DCLK3: variants seen among roughly 807,000 people sequenced by gnomAD.
DCLK3 encodes the protein doublecortin like kinase 3.
In DCLK3, 30 loss-of-function variants were observed where a neutral mutation model predicts 46.4. That is an observed-to-expected ratio of 0.65 (90% CI 0.48 to 0.88). The LOEUF (loss-of-function observed/expected upper bound fraction) is 0.88, where lower values mean the gene tolerates loss of function less well. DCLK3 is among the 40% of genes least tolerant of loss of function. The pLI, the probability that DCLK3 is intolerant of heterozygous loss-of-function variation, is 0.00. For synonymous variants in DCLK3, 401 were observed against 339.2 expected, an observed-to-expected ratio of 1.18 and a Z score of -2.00; for missense variants, 846 against 907.1, an observed-to-expected ratio of 0.93 and a Z score of 0.87.
rs756521183 is a variant in DCLK3, at chr3:36,738,318, C to T, written c.849G>A (p.Leu283=). The T allele has an allele frequency of 3.3e-6, 5 of 1,511,702 alleles. No homozygotes were observed. In the African/African-American group the frequency reaches 5.6e-5, roughly 17 times the overall value. The allele number at this position is 1,511,702 out of a possible 1,614,324, so 93.6% of individuals were successfully genotyped here. Residue 283 remains leucine, a synonymous_variant, in exon 2 of 5, where the codon CTG becomes CTA. Transcript: ENST00000636136. Reference sequence around the variant, plus strand: ...TCTCTCCCCTTGCGTGCCTCTCTTCCAGAGTGGCTTCCCTGGGGGGCTTGC... The same window carrying T: ...TCTCTCCCCTTGCGTGCCTCTCTTCTAGAGTGGCTTCCCTGGGGGGCTTGC... The part of the protein sequence containing the change: ...PSSKPPREAT[L]EERHARGEKH...
At chr3:36,732,442 C>A (rs1309197861) in intron 2 of DCLK3, among the ~76,000 whole-genome samples, 2 of 152,126 alleles carry the variant, frequency 1.3e-5, no homozygotes, top group Non-Finnish European at 2.9e-5. Context: ...ATACTGAGAG[C>A]CTGTCTTACC....
chr3:36,738,939 G>A lies in DCLK3; in HGVS notation c.228C>T (p.Phe76=), dbSNP rs1701308848. 4.9e-6 allele frequency: 2 copies of A among 406,522 alleles called. No individual in the cohort carries two copies. Among genetic ancestry groups the A allele is most frequent in the Middle Eastern group, 6.2e-4 (1 of 1,608 alleles). The allele number at this position is 406,522 out of a possible 1,614,324, so 25.2% of individuals were successfully genotyped here. ...LGPRGPVVPL[F]CPRNGLHSAH... ...CTGAGTGAAGGCCATTCCGAGGGCA[G>A]AACAAGGGCACGACGGGGCCACGCG... Residue 76 remains phenylalanine (F), a synonymous_variant, in exon 2 of 5, where the codon TTC becomes TTT. Transcript: ENST00000636136.
chr3:36,744,050 T>C (rs1213014712), intron 1 of DCLK3, among the ~76,000 whole-genome samples: 1 of 152,214 alleles, frequency 6.6e-6, no homozygotes, highest in Non-Finnish European at 1.5e-5. Context: ...CTGCTGCACA[T>C]CTCAGCTAAT....
chr3:36,738,375 C>G lies in DCLK3; in HGVS notation c.792G>C (p.Trp264Cys). The G allele has an allele frequency of 6.7e-7, 1 of 1,500,802 alleles. No individual in the cohort carries two copies. Among genetic ancestry groups the G allele is most frequent in the East Asian group, 2.4e-5 (1 of 41,592 alleles). 93.0% of individuals were successfully genotyped at this position (1,500,802 alleles called of 1,614,324 possible). A position where few individuals can be genotyped will look rare whatever the true frequency, so the allele number is the denominator to read the frequency against. ...LDDRARTQKK[W>C]GRGKWEPEPS... ...GTTCTGGCTCCCATTTCCCCCTCCCCCACTTCTTCTGGGTCCTCGCTCTGT... is the reference window on the plus strand; with the variant it reads ...GTTCTGGCTCCCATTTCCCCCTCCCGCACTTCTTCTGGGTCCTCGCTCTGT... Residue 264 changes from tryptophan to cysteine, a missense_variant, in exon 2 of 5, where the codon TGG becomes TGC. Coordinates refer to ENST00000636136, the MANE Select transcript of DCLK3 (RefSeq NM_001394672.2).
chr3:36,725,278 C>T (rs1422907944), intron 2 of DCLK3, among the ~76,000 whole-genome samples: 1 of 149,146 alleles, frequency 6.7e-6, no homozygotes, highest in South Asian at 2.2e-4. Flanking sequence ...CGCCACTGCA[C>T]TCCAGCCTGG....
At chr3:36,757,476 A>G (rs1701496127) in intron 1 of DCLK3, among the ~76,000 whole-genome samples, 1 of 150,108 alleles carries the variant, frequency 6.7e-6, no homozygotes, top group African/African-American at 2.4e-5. Flanking sequence ...TCCTTTGAAC[A>G]TACAGAAAAC....
Position 36,737,423 on chromosome 3 carries a change from T to C in DCLK3, c.1744A>G (p.Asn582Asp). Reference sequence around the variant, plus strand: ...TAGACTTCATGCAATTTCACGATGTTGGGGTGAGAGAGGCTCTGGATGATC... The same window carrying C: ...TAGACTTCATGCAATTTCACGATGTCGGGGTGAGAGAGGCTCTGGATGATC... ...ILIIQSLSHP[N>D]IVKLHEVYET... The change falls in exon 2 of 5, where the codon AAC becomes GAC. Residue 582 changes from asparagine to aspartate, a missense_variant. Physicochemically the swap from Asn to Asp is conservative, Grantham distance 23 (BLOSUM62 1). This residue lies in a region of DCLK3 where 247 missense variants were observed against 322.8 expected (regional missense o/e 0.77). Transcript: ENST00000636136. This position sits in a 1 kb window ranked among gnomAD's most constrained non-coding sequence, Gnocchi z 4.4. 1 of 1,614,196 alleles carries C rather than the reference T, an allele frequency of 6.2e-7. No homozygotes were observed. Among genetic ancestry groups the C allele is most frequent in the Non-Finnish European group, 8.5e-7 (1 of 1,180,026 alleles).
intron 2 of DCLK3, among the ~76,000 whole-genome samples, chr3:36,733,859 A>G (rs1254282359): frequency 1.3e-5 from 2 of 152,218 alleles, no homozygotes; most frequent in Non-Finnish European, 2.9e-5. Context: ...TGATTAAAAC[A>G]TGAAAGCTTA....
Position 36,721,654 on chromosome 3 carries a change from C to A in DCLK3, c.1965G>T (p.Gln655His), listed in dbSNP as rs530856709. 6.2e-7 allele frequency: 1 copy of A among 1,613,954 alleles called. No individual in the cohort carries two copies. The highest frequency in any genetic ancestry group is 8.5e-7 in the Non-Finnish European group (1 of 1,180,004). Residue 655 changes from glutamine to histidine, a missense_variant, in exon 3 of 5, where the codon CAG becomes CAT. Around this residue, in one of 3 missense-constraint regions of DCLK3, gnomAD observed 247 missense variants for 322.8 expected, o/e 0.77. Transcript: ENST00000636136. Reference sequence around the variant, plus strand: ...AGGTAGTAGATTTGTCCTCATTTCGCTGAACCTGTAAGAAACCAAAATCCC... The same window carrying A: ...AGGTAGTAGATTTGTCCTCATTTCGATGAACCTGTAAGAAACCAAAATCCC... ...RDLKPENLLV[Q>H]RNEDKSTTLK... is the part of the protein sequence containing the mutation.
intron 3 of DCLK3, among the ~76,000 whole-genome samples, chr3:36,720,504 C>T (rs867655423): frequency 4.6e-5 from 6 of 129,300 alleles, no homozygotes; most frequent in Admixed American, 8.2e-5. Context: ...ATCTCCTCAT[C>T]TTTTTTTTTT....
At chr3:36,722,051 G>A (rs1701068111) in intron 2 of DCLK3, among the ~76,000 whole-genome samples, 1 of 152,282 alleles carries the variant, frequency 6.6e-6, no homozygotes, top group East Asian at 1.9e-4. Context: ...TGCAGAAAGG[G>A]CTATTAGACA....
At chr3:36,746,518 T>C (rs1701394780) in intron 1 of DCLK3, among the ~76,000 whole-genome samples, 1 of 152,234 alleles carries the variant, frequency 6.6e-6, no homozygotes, top group Non-Finnish European at 1.5e-5. Flanking sequence ...GTCTAGTATA[T>C]GCCACCCATC....
rs1390941291 is a variant in DCLK3 at position 36,738,537 on chromosome 3, G to A, written c.630C>T (p.Ser210=). 3 of 1,508,284 alleles carry A rather than the reference G, an allele frequency of 2.0e-6. No individual in the cohort carries two copies. Among genetic ancestry groups the A allele is most frequent in the Admixed American group, 2.2e-5 (1 of 45,116 alleles). The allele number at this position is 1,508,284 out of a possible 1,614,324, so 93.4% of individuals were successfully genotyped here. ...HSRAPSPRLR[S]RLFSKALKGD... is the part of the protein sequence containing the mutation. ...CTTTCAGAGCCTTGCTAAACAGCCT[G>A]CTCCTCAGCCTTGGAGAAGGGGCAC... Residue 210 remains serine, a synonymous_variant, in exon 2 of 5, where the codon AGC becomes AGT. Coordinates refer to ENST00000636136, the MANE Select transcript of DCLK3 (RefSeq NM_001394672.2).
chr3:36,744,910 T>C (rs1211515447), intron 1 of DCLK3, among the ~76,000 whole-genome samples: 2 of 152,238 alleles, frequency 1.3e-5, no homozygotes, highest in Admixed American at 1.3e-4. Context: ...GATTCTGGGG[T>C]GAGCCAATAA....
intron 2 of DCLK3, among the ~76,000 whole-genome samples, chr3:36,726,252 C>T (rs1046419986): frequency 6.6e-6 from 1 of 152,018 alleles, no homozygotes. Flanking sequence ...TCCAAACTAG[C>T]TTGTACCCAC....
intron 1 of DCLK3, among the ~76,000 whole-genome samples, chr3:36,759,363 G>A (rs967396079): frequency 6.6e-6 from 1 of 152,202 alleles, no homozygotes; most frequent in African/African-American, 2.4e-5. Flanking sequence ...GAGCCAGAGA[G>A]ACACTCTCCC....
chr3:36,729,232 G>A (rs1402919867), intron 2 of DCLK3, among the ~76,000 whole-genome samples: 3 of 127,908 alleles, frequency 2.3e-5, no homozygotes, highest in Admixed American at 8.2e-5. Flanking sequence ...GGGTTTTCCC[G>A]GGTTGTGTGT....
At chr3:36,751,516 G>A (rs1701441823) in intron 1 of DCLK3, among the ~76,000 whole-genome samples, 1 of 152,236 alleles carries the variant, frequency 6.6e-6, no homozygotes, top group Non-Finnish European at 1.5e-5. Context: ...AACCTCCTGG[G>A]CAGAAACTGA....
Position 36,738,464 on chromosome 3 carries a change from C to G in DCLK3, c.703G>C (p.Val235Leu). The change falls in exon 2 of 5, where the codon GTT becomes CTT. Residue 235 changes from valine (V) to leucine (L), a missense_variant. Around this residue, in one of 3 missense-constraint regions of DCLK3, gnomAD observed 553 missense variants for 543.0 expected, o/e 1.02. Coordinates refer to ENST00000636136, the MANE Select transcript of DCLK3 (RefSeq NM_001394672.2). ...CTCATGGCTGCCTTGCATCCTGCAA[C>G]TTCGCTGCAGCTCTTGGGGGTCTCG... ...ETETPKSCSE[V>L]AGCKAAMRHQ... The G allele has an allele frequency of 6.8e-7, 1 of 1,476,690 alleles. No individual in the cohort carries two copies. Among genetic ancestry groups the G allele is most frequent in the Non-Finnish European group, 9.0e-7 (1 of 1,114,388 alleles). 91.5% of individuals were successfully genotyped at this position (1,476,690 alleles called of 1,614,324 possible).
Sources: gnomAD v4.1 joint callset for allele counts (sites outside exome capture counted in the v4.1 genomes callset) on GRCh38, gnomAD v4.1.1 for gene constraint, gnomAD v4.1.1 regional missense constraint, Gnocchi (gnomAD v3.1) non-coding constraint, MANE v1.5 for transcripts, NCBI Gene and HGNC (gene_info 2026-07-23, HGNC 2026-07-21) for gene names.